The following ANKAR variants were observed in gnomAD, a reference collection of about 807,000 sequenced individuals.
ANKAR encodes the protein ankyrin and armadillo repeat-containing protein.
ANKAR carries 136 observed loss-of-function variants against 146.2 expected under a neutral mutation model. That is an observed-to-expected ratio of 0.93 (90% CI 0.81 to 1.07). The LOEUF (loss-of-function observed/expected upper bound fraction) is 1.07, where lower values mean the gene tolerates loss of function less well. Among genes scored for constraint, ANKAR ranks in the 50% least tolerant of loss-of-function variants. ANKAR has a pLI of 0.00. For missense variants in ANKAR, 1,567 were observed against 1,679.9 expected (o/e 0.93, Z 1.18); for synonymous variants, 500 against 575.8 (o/e 0.87, Z 1.88).
chr2:189,758,993 T>C (rs1360734804), intron 18 of ANKAR, among the ~76,000 whole-genome samples: 1 of 152,192 alleles, frequency 6.6e-6, no homozygotes, highest in Non-Finnish European at 1.5e-5. Context: ...ACGGTAATAA[T>C]AGTTACTGTC....
At chr2:189,761,369 G>T, downstream of ANKAR, 5 of 1,546,024 alleles carry the variant, frequency 3.2e-6, no homozygotes, top group Admixed American at 2.2e-5. Context: ...ACAAAAGAAT[G>T]ATTTTACTTT....
At chr2:189,731,376 C>T (rs1056402045) in intron 16 of ANKAR, among the ~76,000 whole-genome samples, 13 of 137,374 alleles carry the variant, frequency 9.5e-5, no homozygotes, top group East Asian at 2.1e-4. Context: ...TTTCTTTTTT[C>T]TTTTTTTTTT....
chr2:189,755,463 T>C (rs764380480), intron 18 of ANKAR: 19 of 1,604,394 alleles, frequency 1.2e-5, no homozygotes, highest in Non-Finnish European at 1.5e-5. Context: ...GAGAGGTCAC[T>C]TGGAGAGACT....
At position 189,692,270 on chromosome 2, in the gene ANKAR, C is replaced by G; in HGVS notation, c.1055C>G (p.Thr352Arg). ...LQPFSDDKVK[T>R]ERELPPFIYG... ...ATTTTTGGAGATGACAAGGTCAAGA[C>G]AGAGCGAGAATTGCCTCCATTTATT... is the stretch of plus-strand genomic sequence containing the variant. Residue 352 changes from threonine (T) to arginine (R), a missense_variant, in exon 4 of 23, where the codon ACA (threonine) becomes AGA (arginine). Thr to Arg is a moderately conservative substitution (Grantham distance 71). Transcript: ENST00000684021. 1 of 1,611,504 alleles carries G rather than the reference C, an allele frequency of 6.2e-7. No individual in the cohort carries two copies. Among genetic ancestry groups the G allele is most frequent in the South Asian group, 1.1e-5 (1 of 90,418 alleles).
intron 7 of ANKAR, among the ~76,000 whole-genome samples, chr2:189,704,607 T>G (rs1253543197): frequency 8.0e-6 from 1 of 124,584 alleles, no homozygotes; most frequent in African/African-American, 3.0e-5. Flanking sequence ...AATTTTAATT[T>G]CAAAGGATCT....
intron 10 of ANKAR, among the ~76,000 whole-genome samples, chr2:189,717,203 C>T (rs2040577662): frequency 6.6e-6 from 1 of 151,932 alleles, no homozygotes; most frequent in South Asian, 2.1e-4. Context: ...TGACAAAGGG[C>T]TAATATCCAG....
At chr2:189,747,136 G>A (rs2044253524), downstream of ANKAR, 1 of 153,136 alleles carries the variant, frequency 6.5e-6, no homozygotes, top group Non-Finnish European at 1.4e-5. Flanking sequence ...AGCAGTTCAG[G>A]ACCAGCCCGG....
intron 2 of ANKAR, among the ~76,000 whole-genome samples, chr2:189,678,159 G>T (rs114124557): frequency 0.019 from 2,844 of 152,162 alleles, 88 homozygotes; most frequent in African/African-American, 0.064. Flanking sequence ...TGGTATCTCA[G>T]TGTGGTTTGA....
At chr2:189,752,942 C>T (rs749109122) in intron 18 of ANKAR, 3 of 1,613,072 alleles carry the variant, frequency 1.9e-6, no homozygotes, top group South Asian at 1.1e-5. Context: ...CAGAGCTCTG[C>T]GGATATAGAA....
intron 19 of ANKAR, among the ~76,000 whole-genome samples, chr2:189,740,762 C>T (rs912959043): frequency 1.3e-5 from 2 of 151,636 alleles, no homozygotes; most frequent in Admixed American, 1.3e-4. Flanking sequence ...GGCACGATCT[C>T]TGCTCACTGC....
chr2:189,757,075 G>A (rs2046189877), intron 18 of ANKAR, among the ~76,000 whole-genome samples: 1 of 152,126 alleles, frequency 6.6e-6, no homozygotes, highest in Non-Finnish European at 1.5e-5. Flanking sequence ...TAATAACAAT[G>A]TATTTTTGTC....
Position 189,738,683 on chromosome 2 carries a change from G to A in ANKAR, c.3700+1G>A. 6.4e-7 allele frequency: 1 copy of A among 1,551,746 alleles called. No homozygotes were observed. Among genetic ancestry groups the A allele is most frequent in the Non-Finnish European group, 8.8e-7 (1 of 1,136,060 alleles). On this transcript the variant is annotated splice_donor_variant, in intron 19 of 22. Coordinates refer to ENST00000684021, the MANE Select transcript of ANKAR (RefSeq NM_001378068.1). LOFTEE classifies it high-confidence loss of function. The stretch of plus-strand genomic sequence containing the variant: ...CAGACTTCTACTATTGTCTTGACAG[G>A]TAAGAAATGACTAGAAGTTAATTTT...
intron 3 of ANKAR, among the ~76,000 whole-genome samples, chr2:189,690,644 C>G (rs747367481): frequency 4.6e-5 from 7 of 152,122 alleles, no homozygotes; most frequent in Admixed American, 1.3e-4. Flanking sequence ...AAATTTTCAG[C>G]AGAAATTTTG....
intron 7 of ANKAR, among the ~76,000 whole-genome samples, chr2:189,697,824 CAAA>C (rs2037446574): frequency 6.6e-6 from 1 of 152,026 alleles, no homozygotes; most frequent in Non-Finnish European, 1.5e-5. Flanking sequence ...TTAACCAACA[CAAA>C]ATTGTCCCAC....
intron 18 of ANKAR, among the ~76,000 whole-genome samples, 172 bp downstream of exon 18, chr2:189,738,013 T>G (rs754237511): frequency 6.6e-6 from 1 of 152,184 alleles, no homozygotes; most frequent in African/African-American, 2.4e-5. Context: ...GAGGATTTCT[T>G]CATTAATACA....
At chr2:189,701,358 T>C (rs965472945) in intron 7 of ANKAR, among the ~76,000 whole-genome samples, 8 of 152,080 alleles carry the variant, frequency 5.3e-5, no homozygotes, top group South Asian at 4.1e-4. Context: ...TCAGCCTCCC[T>C]AGTAGCTGGG....
intron 19 of ANKAR, among the ~76,000 whole-genome samples, chr2:189,740,076 G>A (rs2043187320): frequency 6.6e-6 from 1 of 152,174 alleles, no homozygotes; most frequent in African/African-American, 2.4e-5. Context: ...GTGTCAAGTT[G>A]ACATGGTTTC....
rs1339173295 is a variant in ANKAR at position 189,728,390 on chromosome 2, T to G, written c.3001T>G (p.Leu1001Val). The G allele has an allele frequency of 1.2e-6, 2 of 1,603,494 alleles. No individual in the cohort carries two copies. The highest frequency in any genetic ancestry group is 4.5e-5 in the East Asian group (2 of 44,810). ...IGYSFIINML[L>V]SPSAKMQYVG... Reference sequence around the variant, plus strand: ...ATACAGCTTTATAATAAATATGCTTTTGTCACCATCAGCTAAAATGCAGTA... The same window carrying G: ...ATACAGCTTTATAATAAATATGCTTGTGTCACCATCAGCTAAAATGCAGTA... Residue 1001 changes from leucine to valine, a missense_variant, in exon 14 of 23, where the codon TTG (leucine) becomes GTG (valine). By Grantham distance (32) the Leu-to-Val change is conservative. Transcript: ENST00000684021.
Position 189,730,531 on chromosome 2 carries a change from T to G in ANKAR, c.3230T>G (p.Leu1077Trp). ...ACAAGCAATCCTGTCAGTCAACAAT[T>G]GGTTGTAGATGAAAATGCCTTTCCA... ...AHTSNPVSQQ[L>W]VVDENAFPVL... Residue 1077 changes from leucine to tryptophan, a missense_variant, in exon 16 of 23, where the codon TTG becomes TGG. Leu to Trp is a moderately conservative substitution (Grantham distance 61). Coordinates refer to ENST00000684021, the MANE Select transcript of ANKAR (RefSeq NM_001378068.1). 1 of 1,606,000 alleles carries G rather than the reference T, an allele frequency of 6.2e-7. No individual in the cohort carries two copies. Among genetic ancestry groups the G allele is most frequent in the Non-Finnish European group, 8.5e-7 (1 of 1,175,534 alleles).
Sources: gnomAD v4.1 joint callset for allele counts (sites outside exome capture counted in the v4.1 genomes callset) on GRCh38, gnomAD v4.1.1 for gene constraint, MANE v1.5 for transcripts, NCBI Gene and HGNC (gene_info 2026-07-23, HGNC 2026-07-21) for gene names.